NSD2: variants seen among roughly 807,000 people sequenced by gnomAD.
NSD2 encodes histone-lysine N-methyltransferase NSD2.
Under a neutral mutation model 139.0 loss-of-function variants are expected in NSD2, and 12 were observed. The ratio of observed to expected loss-of-function variants is 0.09; its 90% CI spans 0.06 to 0.14. NSD2 has a LOEUF of 0.14. Among genes scored for constraint, NSD2 ranks in the 10% least tolerant of loss-of-function variants. The pLI is 1.00. For missense variants in NSD2, 1,155 were observed against 1,745.0 expected (o/e 0.66, Z 6.02); for synonymous variants, 669 against 648.7 (o/e 1.03, Z -0.48).
In NSD2 at chr4:1,917,173, T is replaced by G. The variant is rs1719503387; in HGVS notation, c.927+136T>G. ...AACAATCTCTTTCATTGTTGACTTT[T>G]GCCCAAGGATGCCATGTTACAATAT... On this transcript the variant is annotated intron_variant, in intron 4 of 21. Coordinates refer to ENST00000508803, the MANE Select transcript of NSD2 (RefSeq NM_001042424.3). The G allele has an allele frequency of 7.4e-6, 7 of 946,462 alleles. No homozygotes were observed. The Admixed American group carries it at 1.9e-4, about 26-fold the overall frequency. The allele number at this position is 946,462 out of a possible 1,614,324, so 58.6% of individuals were successfully genotyped here.
In NSD2 at chr4:1,957,953, C is replaced by T. The variant is rs868806171; in HGVS notation, c.2902C>T (p.Arg968Cys). 1 of 1,614,168 alleles carries T rather than the reference C, an allele frequency of 6.2e-7. No homozygotes were observed. Among genetic ancestry groups the T allele is most frequent in the Non-Finnish European group, 8.5e-7 (1 of 1,180,032 alleles). Residue 968 changes from arginine to cysteine, a missense_variant, in exon 16 of 22, where the codon CGT becomes TGT. This residue lies in a region of NSD2 where 139 missense variants were observed against 485.8 expected (regional missense o/e 0.29). Coordinates refer to ENST00000508803, the MANE Select transcript of NSD2 (RefSeq NM_001042424.3). ...TTTAGCACTGCAAGAAGCTGAAGCT[C>T]GTTTTCGTGAAATTAAGCTTCAGAG... The part of the protein sequence containing the change: ...FKNALQEAEA[R>C]FREIKLQREA...
chr4:1,952,534 A>G (rs1176918768), intron 11 of NSD2, among the ~76,000 whole-genome samples: 2 of 152,106 alleles, frequency 1.3e-5, no homozygotes, highest in East Asian at 1.9e-4. Flanking sequence ...AGCCTGTGCT[A>G]TGTGTGAGGC....
chr4:1,947,140 GTCT>G (rs755143294), intron 9 of NSD2: 7 of 1,065,038 alleles, frequency 6.6e-6, no homozygotes, highest in Non-Finnish European at 8.0e-6. Flanking sequence ...ACAGCCTGCT[GTCT>G]GCAGTCGGCC....
intron 16 of NSD2, 28 bp from the exon 17 acceptor site, chr4:1,959,443 A>C: frequency 6.2e-7 from 1 of 1,605,770 alleles, no homozygotes; most frequent in South Asian, 1.1e-5. Flanking sequence ...TCATGTGTGG[A>C]CCAAGACAGC....
intron 1 of NSD2, among the ~76,000 whole-genome samples, chr4:1,886,332 G>A (rs1192369576): frequency 6.6e-6 from 1 of 152,104 alleles, no homozygotes; most frequent in Non-Finnish European, 1.5e-5. Context: ...TCAGTCTCCT[G>A]AATAGCTGGT....
Position 1,974,631 on chromosome 4 carries a change from C to T in NSD2, c.3373-232C>T, listed in dbSNP as rs986720893. The T allele has an allele frequency of 1.4e-6, 1 of 695,240 alleles. No individual in the cohort carries two copies. Among genetic ancestry groups the T allele is most frequent in the South Asian group, 1.4e-5 (1 of 70,650 alleles). 43.1% of individuals were successfully genotyped at this position (695,240 alleles called of 1,614,324 possible). On this transcript the variant is annotated intron_variant, in intron 18 of 21. Coordinates refer to ENST00000508803, the MANE Select transcript of NSD2 (RefSeq NM_001042424.3). This position sits in a 1 kb window ranked among gnomAD's most constrained non-coding sequence, Gnocchi z 4.0. The stretch of plus-strand genomic sequence containing the variant: ...GAGCTCCAGCTCCCTGTCCTGTCCT[C>T]CCCGGCGCTCACTAAGGCTCGGTCC...
intron 9 of NSD2, chr4:1,941,625 T>C (rs1442822478): frequency 9.7e-7 from 1 of 1,036,102 alleles, no homozygotes; most frequent in African/African-American, 1.7e-5. Flanking sequence ...ATATGTGAAA[T>C]TAATACACCT....
At chr4:1,896,838 C>CTCTTT (rs547839568) in intron 1 of NSD2, among the ~76,000 whole-genome samples, 2 of 142,010 alleles carry the variant, frequency 1.4e-5, no homozygotes, top group Non-Finnish European at 3.1e-5. Context: ...TTCTTCTCTT[C>CTCTTT]TCTTTTCTTT....
At chr4:1,926,028 C>T (rs1205006167) in intron 5 of NSD2, among the ~76,000 whole-genome samples, 1 of 152,010 alleles carries the variant, frequency 6.6e-6, no homozygotes, top group Admixed American at 6.6e-5. Flanking sequence ...GACTCAAACT[C>T]CTGGCCTTAA....
At chr4:1,934,878 A>AATATATAT (rs1161633448) in intron 6 of NSD2, among the ~76,000 whole-genome samples, 279 of 22,034 alleles carry the variant, frequency 0.013, 2 homozygotes, top group Middle Eastern at 0.05. Context: ...AAAAAAAAAA[A>AATATATAT]ATATATATAT....
rs1034154344 is a variant in NSD2, at chr4:1,900,621, C to G, written c.-29-5C>G. The G allele has an allele frequency of 1.4e-6, 2 of 1,479,210 alleles. No homozygotes were observed. The highest frequency in any genetic ancestry group is 1.8e-6 in the Non-Finnish European group (2 of 1,107,882). 91.6% of individuals were successfully genotyped at this position (1,479,210 alleles called of 1,614,324 possible). A position where few individuals can be genotyped will look rare whatever the true frequency, so the allele number is the denominator to read the frequency against. On this transcript the variant is annotated splice_region_variant and splice_polypyrimidine_tract_variant and intron_variant, in intron 1 of 21. Coordinates refer to ENST00000508803, the MANE Select transcript of NSD2 (RefSeq NM_001042424.3). ...CTTTCTTTTTTCTTTTTTTTAATAC[C>G]ATAGTGTTCTAAGAACGGAAGCATC...
chr4:1,961,173 A>G, intron 18 of NSD2, 22 bp downstream of exon 18: 1 of 1,571,854 alleles, frequency 6.4e-7, no homozygotes, highest in Non-Finnish European at 8.7e-7. Context: ...CTCCACTGTG[A>G]GCTTCTGCAG....
At chr4:1,878,252 T>TATATATATATATA (rs869142339) in intron 1 of NSD2, among the ~76,000 whole-genome samples, 17 of 27,572 alleles carry the variant, frequency 6.2e-4, no homozygotes, top group East Asian at 2.6e-3. Context: ...TATATATATA[T>TATATATATATATA]TTTTTTTTTT....
rs922746994 is a variant in NSD2, at chr4:1,951,493, C to G, written c.2013+290C>G. Among the ~76,000 whole-genome samples, 61 of 138,460 alleles carry G rather than the reference C, an allele frequency of 4.4e-4. 2 individuals carry two copies. The highest frequency in any genetic ancestry group is 1.7e-3 in the African/African-American group (58 of 33,888). 90.8% of individuals were successfully genotyped at this position (138,460 alleles called of 152,430 possible). On this transcript the variant is annotated intron_variant, in intron 10 of 21. Transcript: ENST00000508803. ...ACACACACACACACACACACACACACACACACACACACACACACACACACA... is the reference window on the plus strand; with the variant it reads ...ACACACACACACACACACACACACAGACACACACACACACACACACACACA...
chr4:1,957,412 T>C (rs1013413981), intron 15 of NSD2, among the ~76,000 whole-genome samples: 1 of 151,642 alleles, frequency 6.6e-6, no homozygotes, highest in Non-Finnish European at 1.5e-5. Context: ...GTCTCCCAAG[T>C]AGCTGGGACC....
In NSD2 at chr4:1,970,138, G is replaced by A. The variant is rs151286307; in HGVS notation, c.3373-4725G>A. 3.4e-3 allele frequency among the ~76,000 whole-genome samples: 515 copies of A among 152,302 alleles called. 4 individuals are homozygous for A. The highest frequency in any genetic ancestry group is 0.012 in the African/African-American group (479 of 41,562). ...GTGCATTCAAGCAGGCCAGAGGATG[G>A]TTCAGCGGGGCTGAGTCACATTGGG... On this transcript the variant is annotated intron_variant, in intron 18 of 21. Transcript: ENST00000508803.
intron 3 of NSD2, among the ~76,000 whole-genome samples, chr4:1,909,239 C>T (rs936669286): frequency 3.9e-5 from 6 of 152,104 alleles, no homozygotes; most frequent in Non-Finnish European, 7.4e-5. Flanking sequence ...GTTCCAGGCT[C>T]ATCTTGTACT....
At chr4:1,945,346 T>C in intron 9 of NSD2, 1 of 1,065,446 alleles carries the variant, frequency 9.4e-7, no homozygotes, top group Non-Finnish European at 1.1e-6. Context: ...AGGAGCAAGC[T>C]TGCTGCTCCT....
rs1184734549 is a variant in NSD2, at chr4:1,943,613, A to G, written c.1881+3835A>G. 1.0e-5 allele frequency: 11 copies of G among 1,048,232 alleles called. No homozygotes were observed. In the East Asian group the frequency reaches 1.6e-4, roughly 16 times the overall value. The allele number at this position is 1,048,232 out of a possible 1,614,324, so 64.9% of individuals were successfully genotyped here. ...GGCTGAGGGCTGGTTGGGTTCCTCT[A>G]TTGGCTCTGCTCAAATGTTGCAGGA... On this transcript the variant is annotated intron_variant, in intron 9 of 21. Transcript: ENST00000508803.
Sources: allele counts gnomAD v4.1 joint callset (sites outside exome capture counted in the v4.1 genomes callset), GRCh38; gene constraint gnomAD v4.1.1; regional missense constraint gnomAD v4.1.1; non-coding constraint Gnocchi (gnomAD v3.1); transcripts MANE v1.5; gene names NCBI Gene and HGNC (gene_info 2026-07-23, HGNC 2026-07-21).